Variants in RALGAPB observed in about 807,000 individuals in gnomAD.
RALGAPB encodes Ral GTPase activating protein non-catalytic subunit beta, also known as ral GTPase-activating protein subunit beta.
RALGAPB carries 25 observed loss-of-function variants against 161.1 expected under a neutral mutation model. That is an observed-to-expected ratio of 0.16 (90% CI 0.11 to 0.22). RALGAPB has a LOEUF of 0.22. Among genes scored for constraint, RALGAPB ranks in the 10% least tolerant of loss-of-function variants. The pLI is 1.00. For synonymous variants in RALGAPB, 629 were observed against 626.1 expected (o/e 1.00, Z -0.07); for missense variants, 1,391 against 1,815.2 (o/e 0.77, Z 4.25).
chr20:38,507,221 C>T (rs2085788756), intron 5 of RALGAPB, among the ~76,000 whole-genome samples: 1 of 152,056 alleles, frequency 6.6e-6, no homozygotes, highest in African/African-American at 2.4e-5. Flanking sequence ...ATATTATCTA[C>T]TTTTTTCATT....
At chr20:38,556,955 C>A (rs2087606392) in intron 22 of RALGAPB, among the ~76,000 whole-genome samples, 4 of 152,120 alleles carry the variant, frequency 2.6e-5, no homozygotes, top group African/African-American at 9.7e-5. Context: ...TGTTTGACTG[C>A]AGAAATATTA....
In RALGAPB at chr20:38,541,055, A is replaced by G. The variant is rs750240494; in HGVS notation, c.2577A>G (p.Glu859=). Residue 859 remains glutamate (E), a synonymous_variant, in exon 18 of 30, where the codon GAA becomes GAG. Coordinates refer to ENST00000262879, the MANE Select transcript of RALGAPB (RefSeq NM_020336.4). ...CCTGCTTTTAGGACTGCCTTAAGGAAGTACTGGAGATTGTGGAACTGGGTA... is the reference window on the plus strand; with the variant it reads ...CCTGCTTTTAGGACTGCCTTAAGGAGGTACTGGAGATTGTGGAACTGGGTA... ...DMLDEKDCLK[E]VLEIVELGIS... is the part of the protein sequence containing the mutation. The G allele has an allele frequency of 3.7e-6, 6 of 1,613,908 alleles. No individual in the cohort carries two copies. In the African/African-American group the frequency reaches 4.0e-5, roughly 11 times the overall value.
chr20:38,482,498 G>A (rs557873036), intron 1 of RALGAPB, among the ~76,000 whole-genome samples: 3 of 144,832 alleles, frequency 2.1e-5, no homozygotes, highest in Non-Finnish European at 4.5e-5. Context: ...CGCCATCTCG[G>A]CTCACTGAAA....
At chr20:38,474,095 G>A (rs905668157) in intron 1 of RALGAPB, among the ~76,000 whole-genome samples, 1 of 152,136 alleles carries the variant, frequency 6.6e-6, no homozygotes, top group Non-Finnish European at 1.5e-5. Flanking sequence ...CATTTAAAAT[G>A]TATGCATCTT....
rs189319460 is a variant in RALGAPB, at chr20:38,568,512, A to G, written c.3954+1280A>G. Reference sequence around the variant, plus strand: ...TGCCTGTTCTCACCACTTACGTTCAACATGGTAGAGGAGGGGCCTACACAG... The same window carrying G: ...TGCCTGTTCTCACCACTTACGTTCAGCATGGTAGAGGAGGGGCCTACACAG... On this transcript the variant is annotated intron_variant, in intron 26 of 29. Coordinates refer to ENST00000262879, the MANE Select transcript of RALGAPB (RefSeq NM_020336.4). 3.3e-5 allele frequency: 5 copies of G among 152,362 alleles called. No individual in the cohort carries two copies. The East Asian group carries it at 9.6e-4, about 29-fold the overall frequency. The allele number at this position is 152,362 out of a possible 1,614,324, so 9.4% of individuals were successfully genotyped here. A position where few individuals can be genotyped will look rare whatever the true frequency, so the allele number is the denominator to read the frequency against.
At chr20:38,574,343 T>G in intron 29 of RALGAPB, 45 bp downstream of exon 29, 1 of 1,535,262 alleles carries the variant, frequency 6.5e-7, no homozygotes, top group African/African-American at 1.4e-5. Context: ...TTCTTTTTCT[T>G]TATCATTTTT....
At chr20:38,565,288 C>A in intron 24 of RALGAPB, 71 bp from the exon 25 acceptor site, 2 of 1,538,144 alleles carry the variant, frequency 1.3e-6, no homozygotes, top group South Asian at 1.2e-5. Flanking sequence ...GTTAACATTT[C>A]ATGTAGCAAG....
At chr20:38,508,775 ACTT>A (rs1346460445) in intron 5 of RALGAPB, among the ~76,000 whole-genome samples, 2 of 152,162 alleles carry the variant, frequency 1.3e-5, no homozygotes, top group African/African-American at 2.4e-5. Flanking sequence ...TCAATGTAAA[ACTT>A]CTTTTTAATG....
intron 1 of RALGAPB, among the ~76,000 whole-genome samples, chr20:38,481,451 G>A (rs1428954882): frequency 6.6e-6 from 1 of 152,222 alleles, no homozygotes; most frequent in South Asian, 2.1e-4. Context: ...CACATCTTAT[G>A]TGGATGACGG....
At chr20:38,542,954 A>G (rs1017741904) in intron 18 of RALGAPB, among the ~76,000 whole-genome samples, 1 of 152,182 alleles carries the variant, frequency 6.6e-6, no homozygotes, top group African/African-American at 2.4e-5. Context: ...ATTTCTCACT[A>G]GAAACTCTTC....
chr20:38,539,042 A>G (rs1279698066), intron 16 of RALGAPB, among the ~76,000 whole-genome samples: 1 of 152,262 alleles, frequency 6.6e-6, no homozygotes, highest in Non-Finnish European at 1.5e-5. Context: ...GCAGTGGACT[A>G]CTATTCAGCA....
At chr20:38,499,311 T>C in intron 4 of RALGAPB, 136 bp from the exon 5 acceptor site, 1 of 841,776 alleles carries the variant, frequency 1.2e-6, no homozygotes, top group Non-Finnish European at 1.8e-6. Flanking sequence ...ATTTTTACTA[T>C]TAAATGATTA....
chr20:38,505,928 G>A (rs771569846), intron 5 of RALGAPB, among the ~76,000 whole-genome samples: 26 of 152,136 alleles, frequency 1.7e-4, no homozygotes, highest in Non-Finnish European at 3.5e-4. Context: ...GCTAGTCAGT[G>A]TTCAAATTTC....
At chr20:38,546,610 C>A (rs1403318845) in intron 19 of RALGAPB, 180 bp downstream of exon 19, 1 of 714,868 alleles carries the variant, frequency 1.4e-6, no homozygotes, top group African/African-American at 1.8e-5. Context: ...ATACATATTA[C>A]ATAGAGTCTT....
At chr20:38,530,279 A>C (rs1035970524) in intron 13 of RALGAPB, among the ~76,000 whole-genome samples, 13 of 152,242 alleles carry the variant, frequency 8.5e-5, no homozygotes, top group African/African-American at 3.1e-4. Flanking sequence ...AAATGATTAC[A>C]GTAGTGCAGT....
intron 16 of RALGAPB, chr20:38,537,608 A>G (rs982575963): frequency 2.0e-5 from 3 of 152,240 alleles, no homozygotes; most frequent in Non-Finnish European, 4.4e-5. Context: ...GTTCTTTAGT[A>G]AACACTGTTA....
chr20:38,483,510 A>G (rs186241020), intron 1 of RALGAPB, among the ~76,000 whole-genome samples: 1 of 152,300 alleles, frequency 6.6e-6, no homozygotes, highest in Admixed American at 6.5e-5. Context: ...TTAAAAATTG[A>G]GCTGTTTTAT....
At chr20:38,562,839 G>A in intron 24 of RALGAPB, 142 bp downstream of exon 24, 2 of 865,640 alleles carry the variant, frequency 2.3e-6, no homozygotes, top group Non-Finnish European at 1.7e-6. Flanking sequence ...TCTTCAAGAA[G>A]CCAAGGTGGG....
At chr20:38,558,536 T>G in intron 23 of RALGAPB, 83 bp downstream of exon 23, 1 of 1,246,662 alleles carries the variant, frequency 8.0e-7, no homozygotes, top group Admixed American at 2.6e-5. Flanking sequence ...GCAAAATTAA[T>G]ATGGAGAGTT....
Sources: allele counts gnomAD v4.1 joint callset (sites outside exome capture counted in the v4.1 genomes callset), GRCh38; gene constraint gnomAD v4.1.1; transcripts MANE v1.5; gene names NCBI Gene and HGNC (gene_info 2026-07-23, HGNC 2026-07-21).